TSPAN9: variants seen among roughly 807,000 people sequenced by gnomAD.
TSPAN9 encodes the protein tetraspanin 9.
Under a neutral mutation model 31.0 loss-of-function variants are expected in TSPAN9, and 16 were observed. That is an observed-to-expected ratio of 0.52 (90% confidence interval 0.35 to 0.78). The LOEUF (loss-of-function observed/expected upper bound fraction) is 0.78. TSPAN9 is among the 30% of genes least tolerant of loss of function. TSPAN9 has a pLI of 0.01. For missense variants in TSPAN9, 272 were observed against 312.5 expected, an observed-to-expected ratio of 0.87 and a Z score of 0.98; for synonymous variants, 145 against 121.6, an observed-to-expected ratio of 1.19 and a Z score of -1.27.
At chr12:3,252,450 G>C (rs1466588810) in intron 3 of TSPAN9, among the ~76,000 whole-genome samples, 1 of 152,190 alleles carries the variant, frequency 6.6e-6, no homozygotes, top group Non-Finnish European at 1.5e-5. Context: ...CGGGGCCAGG[G>C]AGAAATCCCA....
chr12:3,112,919 A>G (rs1322889845), intron 2 of TSPAN9, among the ~76,000 whole-genome samples: 2 of 152,056 alleles, frequency 1.3e-5, no homozygotes, highest in Non-Finnish European at 2.9e-5. Context: ...GGCTCCTGCA[A>G]TTCTCCTGCC....
At position 3,137,456 on chromosome 12, in the gene TSPAN9, G is replaced by A. The variant is rs144499462; in HGVS notation, c.-18+53737G>A. Among the ~76,000 whole-genome samples, 6 of 152,322 alleles carry A rather than the reference G, an allele frequency of 3.9e-5. No individual in the cohort carries two copies. In the East Asian group the frequency reaches 9.7e-4, roughly 25 times the overall value. On this transcript the variant is annotated intron_variant, in intron 2 of 8. Transcript: ENST00000011898. ...CCTCCCATGTGGCTTCACATCCTGC[G>A]GGTTTTTCCAGCTGACACAGCCCTT... is the stretch of plus-strand genomic sequence containing the variant.
intron 3 of TSPAN9, among the ~76,000 whole-genome samples, chr12:3,269,457 T>TCC (rs1219036348): frequency 3.5e-4 from 50 of 143,748 alleles, no homozygotes; most frequent in Non-Finnish European, 4.9e-4. Flanking sequence ...CAGCCTGCCC[T>TCC]CTGTGCGTTC....
intron 3 of TSPAN9, among the ~76,000 whole-genome samples, chr12:3,225,926 C>T (rs921519793): frequency 6.6e-6 from 1 of 152,244 alleles, no homozygotes; most frequent in Middle Eastern, 3.4e-3. Flanking sequence ...CACATTCTAC[C>T]TGCTGGGCCA....
chr12:3,259,680 C>T (rs1288536890), intron 3 of TSPAN9, among the ~76,000 whole-genome samples: 5 of 152,236 alleles, frequency 3.3e-5, no homozygotes, highest in Non-Finnish European at 5.9e-5. Flanking sequence ...AAAAAGGGAA[C>T]ACCAAAGGCA....
intron 2 of TSPAN9, among the ~76,000 whole-genome samples, chr12:3,195,808 C>CCTT (rs2153972424): frequency 6.6e-6 from 1 of 152,286 alleles, no homozygotes; most frequent in Non-Finnish European, 1.5e-5. Flanking sequence ...CCTCTAAGCA[C>CCTT]CTTCTCTTGC....
intron 2 of TSPAN9, chr12:3,173,569 C>T (rs1301847829): frequency 6.6e-6 from 1 of 152,236 alleles, no homozygotes. Context: ...GATCATGGCT[C>T]ACTGTAGCCT....
chr12:3,207,609 T>C (rs1366382860), intron 3 of TSPAN9, among the ~76,000 whole-genome samples: 1 of 152,144 alleles, frequency 6.6e-6, no homozygotes, highest in African/African-American at 2.4e-5. Flanking sequence ...GTCCCTGGTT[T>C]GATTCAGGTG....
chr12:3,121,533 C>CGTTTTTTTTTTTTTTTTTTTTTTT lies in TSPAN9; in HGVS notation c.-18+37814_-18+37815insGTTTTTTTTTTTTTTTTTTTTTTT, dbSNP rs1426241959. 8.6e-5 allele frequency among the ~76,000 whole-genome samples: 8 copies of CGTTTTTTTTTTTTTTTTTTTTTTT among 92,926 alleles called. 4 individuals carry two copies. Among genetic ancestry groups the CGTTTTTTTTTTTTTTTTTTTTTTT allele is most frequent in the Non-Finnish European group, 3.9e-5 (2 of 50,784 alleles). 61.0% of individuals were successfully genotyped at this position (92,926 alleles called of 152,430 possible). On this transcript the variant is annotated intron_variant, in intron 2 of 8. Transcript: ENST00000011898. Reference sequence around the variant, plus strand: ...TGCCACCATATCTGGCTAATTAAAACTTTTTTTTTTTTTTTTTTTTTTTTT... The same window carrying CGTTTTTTTTTTTTTTTTTTTTTTT: ...TGCCACCATATCTGGCTAATTAAAACGTTTTTTTTTTTTTTTTTTTTTTTTTTTTTTTTTTTTTTTTTTTTTTTT...
At chr12:3,250,917 G>T (rs1413073843) in intron 3 of TSPAN9, among the ~76,000 whole-genome samples, 1 of 152,242 alleles carries the variant, frequency 6.6e-6, no homozygotes, top group South Asian at 2.1e-4. Flanking sequence ...GGGTGACAGG[G>T]TGGCATATGG....
chr12:3,179,743 A>G (rs532282988), intron 2 of TSPAN9, among the ~76,000 whole-genome samples: 3 of 152,234 alleles, frequency 2.0e-5, no homozygotes, highest in African/African-American at 7.2e-5. Context: ...CATATTGTCC[A>G]TTCCAGATTT....
intron 2 of TSPAN9, among the ~76,000 whole-genome samples, chr12:3,099,578 T>G (rs1161658218): frequency 6.6e-6 from 1 of 152,246 alleles, no homozygotes; most frequent in Non-Finnish European, 1.5e-5. Context: ...TGTCTACTGA[T>G]TTTTAATTGG....
chr12:3,231,645 T>C (rs6489446), intron 3 of TSPAN9, among the ~76,000 whole-genome samples: 134,172 of 152,256 alleles, frequency 0.88, 59,328 homozygotes, highest in East Asian at 0.96. Context: ...AATTGGCCAG[T>C]CCCCATGCCA....
chr12:3,117,908 C>T (rs972008783), intron 2 of TSPAN9, among the ~76,000 whole-genome samples: 2 of 152,112 alleles, frequency 1.3e-5, no homozygotes, highest in African/African-American at 2.4e-5. Context: ...CTGGGACCTG[C>T]GGAGCTGTCA....
rs147539060 is a variant in TSPAN9, at chr12:3,100,564, C to A, written c.-18+16845C>A. ...TGTTGCCCGATGTCTGAAGTAGTTT[C>A]GTGTGTTCTGTCCAATTTTTCAGTT... is the stretch of plus-strand genomic sequence containing the variant. On this transcript the variant is annotated intron_variant, in intron 2 of 8. Coordinates refer to ENST00000011898, the MANE Select transcript of TSPAN9 (RefSeq NM_006675.5). Among the ~76,000 whole-genome samples, 253 of 152,278 alleles carry A rather than the reference C, an allele frequency of 1.7e-3. 1 individual carries two copies. Among genetic ancestry groups the A allele is most frequent in the African/African-American group, 5.9e-3 (247 of 41,544 alleles).
Position 3,125,845 on chromosome 12 carries a change from A to G in TSPAN9, c.-18+42126A>G, listed in dbSNP as rs184769428. Reference sequence around the variant, plus strand: ...GTGAGCCCAGAGAACACTTGTGATCATAGCCCAAGAACAGCCTTTTTGTTT... The same window carrying G: ...GTGAGCCCAGAGAACACTTGTGATCGTAGCCCAAGAACAGCCTTTTTGTTT... On this transcript the variant is annotated intron_variant, in intron 2 of 8. Transcript: ENST00000011898. Among the ~76,000 whole-genome samples, 612 of 152,302 alleles carry G rather than the reference A, an allele frequency of 4.0e-3. 17 individuals are homozygous for G. The highest frequency in any genetic ancestry group is 0.036 in the Admixed American group (545 of 15,306).
intron 2 of TSPAN9, among the ~76,000 whole-genome samples, chr12:3,165,938 C>T (rs1219751027): frequency 6.6e-6 from 1 of 152,168 alleles, no homozygotes; most frequent in African/African-American, 2.4e-5. Flanking sequence ...CGCACCGAGG[C>T]TCAGGCCAGG....
rs933295962 is a variant in TSPAN9, at chr12:3,187,792, C to T, written c.-17-13385C>T. Among the ~76,000 whole-genome samples the T allele has an allele frequency of 6.6e-6, 1 of 152,136 alleles. No individual in the cohort carries two copies. The highest frequency in any genetic ancestry group is 2.4e-5 in the African/African-American group (1 of 41,420). On this transcript the variant is annotated intron_variant, in intron 2 of 8. Transcript: ENST00000011898. The surrounding 1 kb of genome is among the most constrained non-coding windows in gnomAD (Gnocchi z 5.2). ...TGCCATGCAAGCCCAACACGTACCC[C>T]TTCTCCAAGAAGCCCTTCCTGATGG... is the stretch of plus-strand genomic sequence containing the variant.
At chr12:3,276,886 C>T (rs1194669005) in intron 3 of TSPAN9, among the ~76,000 whole-genome samples, 1 of 152,074 alleles carries the variant, frequency 6.6e-6, no homozygotes, top group Non-Finnish European at 1.5e-5. Context: ...GGCGTCTGTC[C>T]CCTCCCCTCA....
Sources: allele counts gnomAD v4.1 joint callset (sites outside exome capture counted in the v4.1 genomes callset), GRCh38; gene constraint gnomAD v4.1.1; non-coding constraint Gnocchi (gnomAD v3.1); transcripts MANE v1.5; gene names NCBI Gene and HGNC (gene_info 2026-07-23, HGNC 2026-07-21).